Variants in MYH3 observed in about 807,000 individuals in gnomAD.
The protein encoded by MYH3 is myosin-3.
Under a neutral mutation model 238.0 loss-of-function variants are expected in MYH3, and 130 were observed. The ratio of observed to expected loss-of-function variants is 0.55; its 90% CI spans 0.47 to 0.63. The LOEUF (loss-of-function observed/expected upper bound fraction) is 0.63, where lower values mean the gene tolerates loss of function less well. Ranked by LOEUF, MYH3 falls within the 30% of genes least tolerant of loss-of-function variation. The pLI, the probability that MYH3 is intolerant of heterozygous loss-of-function variation, is 0.00. For missense variants in MYH3, 1,853 were observed against 2,374.9 expected, an observed-to-expected ratio of 0.78 and a Z score of 4.57; for synonymous variants, 880 against 924.1, an observed-to-expected ratio of 0.95 and a Z score of 0.86.
At chr17:10,659,465 C>T (rs1179298971), upstream of MYH3, among the ~76,000 whole-genome samples, 2 of 152,178 alleles carry the variant, frequency 1.3e-5, no homozygotes, top group African/African-American at 4.8e-5. Context: ...TTCTTTTAGT[C>T]TGGATCATTC....
intron 28 of MYH3, 92 bp from the exon 29 acceptor site, chr17:10,635,945 G>A: frequency 1.9e-6 from 2 of 1,078,260 alleles, no homozygotes; most frequent in Non-Finnish European, 1.4e-6. Context: ...TAAGATCTGG[G>A]GAGACAGAAA....
At position 10,630,158 on chromosome 17, in the gene MYH3, C is replaced by T. The variant is rs1432367329; in HGVS notation, c.5496G>A (p.Lys1832=). 6.2e-7 allele frequency: 1 copy of T among 1,614,220 alleles called. No homozygotes were observed. The highest frequency in any genetic ancestry group is 1.7e-5 in the Admixed American group (1 of 60,024). ...GGCCCTTAACAGACTCTGTGTTCTT[C>T]TTCTGCTCTCCCTCAAGTTCAAACT... ...ELEFELEGEQ[K]KNTESVKGLR... Residue 1832 remains lysine (K), a synonymous_variant, in exon 38 of 41, where the codon AAG becomes AAA. Coordinates refer to ENST00000583535, the MANE Select transcript of MYH3 (RefSeq NM_002470.4).
intron 12 of MYH3, among the ~76,000 whole-genome samples, chr17:10,645,293 G>A (rs1020210408): frequency 2.0e-5 from 3 of 152,084 alleles, no homozygotes; most frequent in African/African-American, 2.4e-5. Context: ...TTAGCCAGGC[G>A]CGGTGGTGTG....
At position 10,632,784 on chromosome 17, in the gene MYH3, C is replaced by A. The variant is rs747352754; in HGVS notation, c.4648G>T (p.Ala1550Ser). ...TTGGCTTCTTCATGCTCAAGAGCAG[C>A]CTTTAAGAAACAAAAGCAAATCAAA... ...DIQLALEEAE[A>S]ALEHEEAKIL... is the part of the protein sequence containing the mutation. The change falls in exon 34 of 41, where the codon GCT becomes TCT. Residue 1550 changes from alanine to serine, a missense_variant and splice_region_variant. Physicochemically the swap from Ala to Ser is moderately conservative, Grantham distance 99 (BLOSUM62 1). Transcript: ENST00000583535. 4.3e-6 allele frequency: 7 copies of A among 1,614,178 alleles called. No homozygotes were observed. Among genetic ancestry groups the A allele is most frequent in the Non-Finnish European group, 5.9e-6 (7 of 1,180,026 alleles).
At chr17:10,663,083 T>A in the MYH3 span, among the ~76,000 whole-genome samples, 3 of 151,626 alleles carry the variant, frequency 2.0e-5, no homozygotes, top group African/African-American at 7.3e-5. Context: ...TGAGACTCCA[T>A]CTCAAAATAA....
rs772638105 is a variant in MYH3 at position 10,630,267 on chromosome 17, C to T, written c.5457+21G>A. 18 of 1,554,212 alleles carry T rather than the reference C, an allele frequency of 1.2e-5. No individual in the cohort carries two copies. In the African/African-American group the frequency reaches 1.6e-4, roughly 13 times the overall value. On this transcript the variant is annotated intron_variant, in intron 37 of 40. Coordinates refer to ENST00000583535, the MANE Select transcript of MYH3 (RefSeq NM_002470.4). ...GGGAGGCTGGAAAGCTCAGCGCAGG[C>T]GGGGTTCCTCCTGCACACACCCTGG...
In MYH3 at chr17:10,631,622, C is replaced by G. The variant is rs765337329; in HGVS notation, c.5275G>C (p.Ala1759Pro). ...AGGAGACGCCTTACGTCCGTGATGG[C>G]CTTCTTGGCCTTCTCCTCAGCGTTC... ...ARNAEEKAKKAITDAAMMAEE... is the reference protein window; with the variant it reads ...ARNAEEKAKKPITDAAMMAEE... Residue 1759 changes from alanine (A) to proline (P), a missense_variant, in exon 36 of 41, where the codon GCC (alanine) becomes CCC (proline). By Grantham distance (27) the Ala-to-Pro change is conservative. Coordinates refer to ENST00000583535, the MANE Select transcript of MYH3 (RefSeq NM_002470.4). The G allele has an allele frequency of 6.2e-7, 1 of 1,614,018 alleles. No homozygotes were observed. Among genetic ancestry groups the G allele is most frequent in the Non-Finnish European group, 8.5e-7 (1 of 1,180,034 alleles).
intron 26 of MYH3, 73 bp from the exon 27 acceptor site, chr17:10,638,505 G>C: frequency 6.3e-7 from 1 of 1,583,836 alleles, no homozygotes; most frequent in Non-Finnish European, 8.5e-7. Flanking sequence ...GAACAGGCTG[G>C]TTTCCCTTCC....
At chr17:10,628,787 C>T in intron 40 of MYH3, 108 bp from the exon 41 acceptor site, 1 of 1,230,952 alleles carries the variant, frequency 8.1e-7, no homozygotes, top group Non-Finnish European at 1.2e-6. Flanking sequence ...CAGTGGGACA[C>T]AGGATATTTT....
At chr17:10,647,547 T>C (rs1597490506) in intron 8 of MYH3, 121 bp from the exon 9 acceptor site, 2 of 1,095,880 alleles carry the variant, frequency 1.8e-6, no homozygotes, top group Non-Finnish European at 2.7e-6. Flanking sequence ...TGTTTTGTTT[T>C]GTTTTGTTAT....
At position 10,639,571 on chromosome 17, in the gene MYH3, TG is replaced by T; in HGVS notation, c.2913del (p.Thr972GlnfsTer15). 1.2e-6 allele frequency: 2 copies of T among 1,614,162 alleles called. No individual in the cohort carries two copies. The highest frequency in any genetic ancestry group is 1.7e-6 in the Non-Finnish European group (2 of 1,180,028). The stretch of plus-strand genomic sequence containing the variant: ...TACAATAAGAATACCTTGTTCTCTG[TG>T]GCATGCTTCTCCTTCTCAACCTTGG... ...TLAKVEKEKH[A>X]TENKVKNLTE... On this transcript the variant is annotated frameshift_variant, in exon 23 of 41. Transcript: ENST00000583535. LOFTEE classifies it high-confidence loss of function.
chr17:10,652,572 G>A lies in MYH3; in HGVS notation c.205-9C>T. ...GGTTTGACCACCAGGGTCTAAAAAG[G>A]AAGAGGCACAGTGCTTCACTAAGAT... On this transcript the variant is annotated splice_polypyrimidine_tract_variant and intron_variant, in intron 3 of 40. Coordinates refer to ENST00000583535, the MANE Select transcript of MYH3 (RefSeq NM_002470.4). The A allele has an allele frequency of 6.9e-7, 1 of 1,450,670 alleles. No individual in the cohort carries two copies. Among genetic ancestry groups the A allele is most frequent in the Non-Finnish European group, 9.4e-7 (1 of 1,060,114 alleles). 89.9% of individuals were successfully genotyped at this position (1,450,670 alleles called of 1,614,324 possible).
the MYH3 span, chr17:10,677,573 T>C: frequency 6.6e-6 from 1 of 152,304 alleles, no homozygotes; most frequent in East Asian, 1.9e-4. Context: ...GCATTTACAA[T>C]TTAAAATCAT....
chr17:10,650,402 C>T lies in MYH3; in HGVS notation c.506-1G>A. Reference sequence around the variant, plus strand: ...ATCAGAATGGACTGGTTTTCACGATCTGCCAGAGGAAAAAATAAAATAGAG... The same window carrying T: ...ATCAGAATGGACTGGTTTTCACGATTTGCCAGAGGAAAAAATAAAATAGAG... On this transcript the variant is annotated splice_acceptor_variant, in intron 5 of 40. Transcript: ENST00000583535. LOFTEE classifies it high-confidence loss of function. 1.9e-6 allele frequency: 3 copies of T among 1,612,462 alleles called. No homozygotes were observed. Among genetic ancestry groups the T allele is most frequent in the Non-Finnish European group, 2.5e-6 (3 of 1,178,546 alleles).
At position 10,628,650 on chromosome 17, in the gene MYH3, G is replaced by C. The variant is rs1193870740; in HGVS notation, c.*3C>G. 6.2e-7 allele frequency: 1 copy of C among 1,614,042 alleles called. No individual in the cohort carries two copies. The highest frequency in any genetic ancestry group is 8.5e-7 in the Non-Finnish European group (1 of 1,179,998). ...TCTTCTGTCCTGCTCCAGAAGGGCT[G>C]GCTCACTCTTCACTCTCGTGGACCA... is the stretch of plus-strand genomic sequence containing the variant. On this transcript the variant is annotated 3_prime_UTR_variant, in exon 41 of 41. Transcript: ENST00000583535.
rs187637244 is a variant in MYH3, at chr17:10,629,572, G to C, written c.5796+25C>G. 12 of 1,612,186 alleles carry C rather than the reference G, an allele frequency of 7.4e-6. No homozygotes were observed. The Admixed American group carries it at 1.3e-4, about 18-fold the overall frequency. On this transcript the variant is annotated intron_variant, in intron 40 of 40. Transcript: ENST00000583535. The stretch of plus-strand genomic sequence containing the variant: ...GAAGTTTCTACAGTCCCTGGGGGGG[G>C]GCTCCTCCCAGCTCAGCGACTCACC...
At chr17:10,643,118 A>G (rs1364929580) in intron 14 of MYH3, 122 bp from the exon 15 acceptor site, 4 of 1,545,336 alleles carry the variant, frequency 2.6e-6, no homozygotes, top group African/African-American at 2.7e-5. Context: ...AAATACAATC[A>G]CAATCTTCAA....
chr17:10,658,146 C>T (rs531282779), upstream of MYH3, among the ~76,000 whole-genome samples: 12 of 152,160 alleles, frequency 7.9e-5, no homozygotes, highest in East Asian at 2.1e-3. Flanking sequence ...AAAGGGCGGA[C>T]AAGGGGGGGC....
rs1382725291 is a variant in MYH3 at position 10,638,980 on chromosome 17, A to G, written c.3249-17T>C. The G allele has an allele frequency of 1.2e-6, 2 of 1,614,134 alleles. No homozygotes were observed. Among genetic ancestry groups the G allele is most frequent in the Non-Finnish European group, 8.5e-7 (1 of 1,179,930 alleles). ...AAATCTTTCCTGTGAAGAGAAATGT[A>G]GAATGCATGAAGACAAAATACACAG... On this transcript the variant is annotated splice_polypyrimidine_tract_variant and intron_variant, in intron 25 of 40. Coordinates refer to ENST00000583535, the MANE Select transcript of MYH3 (RefSeq NM_002470.4).
Sources: gnomAD v4.1 joint callset for allele counts (sites outside exome capture counted in the v4.1 genomes callset) on GRCh38, gnomAD v4.1.1 for gene constraint, MANE v1.5 for transcripts, NCBI Gene and HGNC (gene_info 2026-07-23, HGNC 2026-07-21) for gene names.